The following POLR3F variants were observed in gnomAD, a reference collection of about 807,000 sequenced individuals.
The protein encoded by POLR3F is RNA polymerase III subunit F.
Under a neutral mutation model 43.6 loss-of-function variants are expected in POLR3F, and 31 were observed. That is an observed-to-expected ratio of 0.71 (90% CI 0.53 to 0.96). The LOEUF (loss-of-function observed/expected upper bound fraction) is 0.96, where lower values mean the gene tolerates loss of function less well. Among genes scored for constraint, POLR3F ranks in the 40% least tolerant of loss-of-function variants. POLR3F has a pLI of 0.00. For synonymous variants in POLR3F, 114 were observed against 132.5 expected (o/e 0.86, Z 0.96); for missense variants, 316 against 391.7 (o/e 0.81, Z 1.63).
chr20:18,481,701 C>T lies in POLR3F; in HGVS notation c.764C>T (p.Ala255Val). 1 of 1,612,380 alleles carries T rather than the reference C, an allele frequency of 6.2e-7. No homozygotes were observed. Among genetic ancestry groups the T allele is most frequent in the Non-Finnish European group, 8.5e-7 (1 of 1,178,382 alleles). The change falls in exon 8 of 9, where the codon GCA becomes GTA. Residue 255 changes from alanine to valine, a missense_variant. Transcript: ENST00000377603. ...AAAGTGGAGATGACGATTATTGCTG[C>T]AAAAGAAGGCACAGTTGGCAGTGTA... ...DGKVEMTIIA[A>V]KEGTVGSVDG... is the part of the protein sequence containing the mutation.
Position 18,477,757 on chromosome 20 carries a change from G to A in POLR3F, c.430-2281G>A, listed in dbSNP as rs576328264. On this transcript the variant is annotated intron_variant, in intron 5 of 8. Transcript: ENST00000377603. Reference sequence around the variant, plus strand: ...CAAAACTAGACAGACTAAAAAGATCGGGGTGAGGGCAGGGATGGTAGGGAA... The same window carrying A: ...CAAAACTAGACAGACTAAAAAGATCAGGGTGAGGGCAGGGATGGTAGGGAA... Among the ~76,000 whole-genome samples the A allele has an allele frequency of 3.9e-5, 6 of 152,300 alleles. No homozygotes were observed. In the East Asian group the frequency reaches 9.6e-4, roughly 24 times the overall value.
chr20:18,476,086 T>C (rs892860124), intron 5 of POLR3F, among the ~76,000 whole-genome samples: 2 of 152,220 alleles, frequency 1.3e-5, no homozygotes, highest in Non-Finnish European at 2.9e-5. Flanking sequence ...TGCTGAAATA[T>C]AATTCATCAT....
intron 5 of POLR3F, among the ~76,000 whole-genome samples, chr20:18,476,005 A>T (rs6035052): frequency 0.16 from 23,837 of 152,206 alleles, 2,799 homozygotes; most frequent in African/African-American, 0.31. Flanking sequence ...AAAAAATCAT[A>T]TAATAAAACC....
At chr20:18,471,062 G>C (rs764351691) in intron 2 of POLR3F, among the ~76,000 whole-genome samples, 3 of 152,066 alleles carry the variant, frequency 2.0e-5, no homozygotes, top group Non-Finnish European at 4.4e-5. Flanking sequence ...TGTCTTAAAT[G>C]CAGGTCTGAC....
In POLR3F at chr20:18,484,250, T is replaced by C; in HGVS notation, c.*692T>C. The C allele has an allele frequency of 2.5e-6, 1 of 398,206 alleles. No individual in the cohort carries two copies. The highest frequency in any genetic ancestry group is 4.4e-6 in the Non-Finnish European group (1 of 225,830). The allele number at this position is 398,206 out of a possible 1,614,324, so 24.7% of individuals were successfully genotyped here. ...TTCTAAAGAATATTTTCACTGTTCCTTCTTTCTTAAAGTCTTATGTTTCAC... is the reference window on the plus strand; with the variant it reads ...TTCTAAAGAATATTTTCACTGTTCCCTCTTTCTTAAAGTCTTATGTTTCAC... On this transcript the variant is annotated 3_prime_UTR_variant, in exon 9 of 9. Transcript: ENST00000377603.
chr20:18,482,592 T>C (rs1292191645), intron 8 of POLR3F, among the ~76,000 whole-genome samples: 3 of 152,154 alleles, frequency 2.0e-5, no homozygotes, highest in Admixed American at 2.0e-4. Context: ...CCAGAGATCA[T>C]GTCTTTCCCC....
chr20:18,469,253 G>C lies in POLR3F; in HGVS notation c.180+192G>C, dbSNP rs568333364. On this transcript the variant is annotated intron_variant, in intron 2 of 8. Coordinates refer to ENST00000377603, the MANE Select transcript of POLR3F (RefSeq NM_006466.4). ...AGGTTAGCATTTTGAATTGGTGAAC[G>C]GAGTAAAGTAGATATGGGTCCAGTT... The C allele has an allele frequency of 2.1e-5, 12 of 559,550 alleles. No homozygotes were observed. The South Asian group carries it at 2.6e-4, about 12-fold the overall frequency. 34.7% of individuals were successfully genotyped at this position (559,550 alleles called of 1,614,324 possible).
chr20:18,468,902 A>G (rs769362487), intron 1 of POLR3F, 42 bp from the exon 2 acceptor site: 2 of 944,978 alleles, frequency 2.1e-6, no homozygotes, highest in Non-Finnish European at 3.5e-6. Flanking sequence ...GTCTCTTGAA[A>G]CAGGTAACCA....
At chr20:18,480,955 T>G (rs1396540422) in intron 7 of POLR3F, among the ~76,000 whole-genome samples, 4 of 152,202 alleles carry the variant, frequency 2.6e-5, no homozygotes. Flanking sequence ...TCATAAAAAC[T>G]AGGAACTTGG....
intron 4 of POLR3F, among the ~76,000 whole-genome samples, chr20:18,474,665 C>A (rs998181159): frequency 4.6e-5 from 7 of 151,968 alleles, no homozygotes; most frequent in African/African-American, 1.7e-4. Context: ...ACTACAGGTG[C>A]ATGCCATCAG....
chr20:18,472,972 A>G, intron 3 of POLR3F, 63 bp downstream of exon 3: 2 of 759,600 alleles, frequency 2.6e-6, no homozygotes, highest in Non-Finnish European at 4.6e-6. Context: ...TGTGTTGGGA[A>G]TAAAGCTAAT....
chr20:18,473,328 G>T, intron 3 of POLR3F, 63 bp from the exon 4 acceptor site: 1 of 720,660 alleles, frequency 1.4e-6, no homozygotes, highest in Non-Finnish European at 2.5e-6. Flanking sequence ...TTTAAGTAGT[G>T]ATGTAGATTA....
chr20:18,475,314 T>C (rs2059774266), intron 5 of POLR3F, 127 bp downstream of exon 5: 1 of 527,736 alleles, frequency 1.9e-6, no homozygotes, highest in Non-Finnish European at 3.4e-6. Context: ...TTGGATTGGT[T>C]TGGAGATGCT....
At position 18,472,870 on chromosome 20, in the gene POLR3F, C is replaced by A. The variant is rs748937304; in HGVS notation, c.209C>A (p.Thr70Lys). Residue 70 changes from threonine (T) to lysine (K), a missense_variant, in exon 3 of 9, where the codon ACG becomes AAG. Thr to Lys is a moderately conservative substitution (Grantham distance 78). Coordinates refer to ENST00000377603, the MANE Select transcript of POLR3F (RefSeq NM_006466.4). ...MGQLDLLRSN[T>K]GLLYRIKDSQ... is the part of the protein sequence containing the mutation. ...CAGTTGGATCTCTTAAGGAGCAATA[C>A]GGGCCTTTTATATAGAATAAAGGAC... 6.6e-7 allele frequency: 1 copy of A among 1,509,318 alleles called. No individual in the cohort carries two copies. Among genetic ancestry groups the A allele is most frequent in the Non-Finnish European group, 9.1e-7 (1 of 1,099,388 alleles). The allele number at this position is 1,509,318 out of a possible 1,614,324, so 93.5% of individuals were successfully genotyped here.
In POLR3F at chr20:18,467,663, G is replaced by T. The variant is rs192091035; in HGVS notation, c.62+95G>T. 18 of 1,588,628 alleles carry T rather than the reference G, an allele frequency of 1.1e-5. No individual in the cohort carries two copies. The South Asian group carries it at 2.0e-4, about 18-fold the overall frequency. Reference sequence around the variant, plus strand: ...CCGGGATCCCTTGGGAGTGGCCGGAGCGGGTTAGGTGAGCACGCGGGAAAA... The same window carrying T: ...CCGGGATCCCTTGGGAGTGGCCGGATCGGGTTAGGTGAGCACGCGGGAAAA... On this transcript the variant is annotated intron_variant, in intron 1 of 8. Transcript: ENST00000377603.
chr20:18,480,649 ATAC>A, intron 7 of POLR3F, 140 bp downstream of exon 7: 3 of 643,816 alleles, frequency 4.7e-6, no homozygotes, highest in Non-Finnish European at 8.4e-6. Flanking sequence ...CTTTGGGAAA[ATAC>A]TGTCCTGTAT....
At chr20:18,480,331 C>A in intron 6 of POLR3F, 71 bp from the exon 7 acceptor site, 1 of 1,272,398 alleles carries the variant, frequency 7.9e-7, no homozygotes, top group Admixed American at 1.9e-5. Context: ...GTTGGTTTGA[C>A]TCAGTATAAA....
intron 1 of POLR3F, 110 bp downstream of exon 1, chr20:18,467,678 A>C (rs1340204602): frequency 3.1e-5 from 48 of 1,556,842 alleles, no homozygotes; most frequent in Non-Finnish European, 3.8e-5. Context: ...TTAGGTGAGC[A>C]CGCGGGAAAA....
At chr20:18,482,133 A>G (rs6105928) in intron 8 of POLR3F, among the ~76,000 whole-genome samples, 125,271 of 151,518 alleles carry the variant, frequency 0.83, 52,067 homozygotes, top group South Asian at 0.91. Flanking sequence ...GATTATAGGC[A>G]CCCACCACCA....
Sources: allele counts gnomAD v4.1 joint callset (sites outside exome capture counted in the v4.1 genomes callset), GRCh38; gene constraint gnomAD v4.1.1; transcripts MANE v1.5; gene names NCBI Gene and HGNC (gene_info 2026-07-23, HGNC 2026-07-21).